The following KIAA1549L variants were observed in gnomAD, a reference collection of about 807,000 sequenced individuals.
KIAA1549L encodes the protein KIAA1549 like, also known as UPF0606 protein KIAA1549L.
Under a neutral mutation model 160.7 loss-of-function variants are expected in KIAA1549L, and 88 were observed. That is an observed-to-expected ratio of 0.55 (90% CI 0.46 to 0.65). The LOEUF is 0.65. Among genes scored for constraint, KIAA1549L ranks in the 30% least tolerant of loss-of-function variants. KIAA1549L has a pLI of 0.00. For synonymous variants in KIAA1549L, 950 were observed against 976.7 expected (o/e 0.97, Z 0.51); for missense variants, 2,258 against 2,437.5 (o/e 0.93, Z 1.55).
At chr11:33,506,544 A>G (rs1241581898) in intron 1 of KIAA1549L, among the ~76,000 whole-genome samples, 2 of 152,038 alleles carry the variant, frequency 1.3e-5, no homozygotes, top group Non-Finnish European at 2.9e-5. Flanking sequence ...TGGGCAACAT[A>G]GCGAGACCCT....
intron 1 of KIAA1549L, among the ~76,000 whole-genome samples, chr11:33,379,176 C>G (rs1026209654): frequency 3.3e-5 from 5 of 152,142 alleles, no homozygotes; most frequent in Admixed American, 6.5e-5. Flanking sequence ...AGACATTTGT[C>G]TTGGTTGAAA....
chr11:33,425,085 CT>C (rs1398595994), intron 1 of KIAA1549L, among the ~76,000 whole-genome samples: 1 of 152,168 alleles, frequency 6.6e-6, no homozygotes, highest in Non-Finnish European at 1.5e-5. Context: ...AAACTTTGAT[CT>C]CTTTATGTCT....
At chr11:33,533,753 G>A (rs1853829971) in intron 1 of KIAA1549L, among the ~76,000 whole-genome samples, 3 of 152,202 alleles carry the variant, frequency 2.0e-5, no homozygotes, top group Admixed American at 2.0e-4. Context: ...GTCTCCTTGA[G>A]ATGGGAGGGA....
At chr11:33,560,438 C>A (rs1398589828) in intron 7 of KIAA1549L, among the ~76,000 whole-genome samples, 1 of 152,186 alleles carries the variant, frequency 6.6e-6, no homozygotes. Flanking sequence ...GCAAACGTTC[C>A]CAGACCTTGA....
intron 1 of KIAA1549L, among the ~76,000 whole-genome samples, chr11:33,398,950 GTT>G (rs71034680): frequency 0.63 from 88,657 of 139,824 alleles, 27,137 homozygotes; most frequent in Middle Eastern, 0.68. Context: ...TCCAGTGAGT[GTT>G]TTTTTTTTTT....
intron 20 of KIAA1549L, among the ~76,000 whole-genome samples, chr11:33,667,457 A>G (rs1852506385): frequency 2.0e-5 from 3 of 151,890 alleles, no homozygotes; most frequent in South Asian, 2.1e-4. Flanking sequence ...CAGTGGTACA[A>G]TCTCGGCTCA....
chr11:33,491,276 T>C (rs1419127368), intron 1 of KIAA1549L, among the ~76,000 whole-genome samples: 1 of 152,238 alleles, frequency 6.6e-6, no homozygotes, highest in Non-Finnish European at 1.5e-5. Context: ...AAAACCGTGC[T>C]GGCTATCAGC....
chr11:33,636,539 C>T (rs1158652737), intron 16 of KIAA1549L, among the ~76,000 whole-genome samples: 1 of 151,938 alleles, frequency 6.6e-6, no homozygotes, highest in Non-Finnish European at 1.5e-5. Context: ...CCATGTTGGC[C>T]AGGCTGGTGT....
chr11:33,530,463 A>G (rs1252430730), intron 1 of KIAA1549L, among the ~76,000 whole-genome samples: 1 of 54,740 alleles, frequency 1.8e-5, no homozygotes, highest in African/African-American at 5.8e-5. Context: ...ATATATATAT[A>G]TATATATATA....
intron 1 of KIAA1549L, among the ~76,000 whole-genome samples, chr11:33,400,922 G>T (rs1160439224): frequency 6.6e-6 from 1 of 152,078 alleles, no homozygotes; most frequent in Non-Finnish European, 1.5e-5. Context: ...ACTTGCCCAG[G>T]ACCACATAGC....
chr11:33,379,990 G>A (rs192526238), intron 1 of KIAA1549L, among the ~76,000 whole-genome samples: 2 of 152,228 alleles, frequency 1.3e-5, no homozygotes, highest in African/African-American at 4.8e-5. Context: ...GCTAATGAGG[G>A]AATAGTTAAT....
At chr11:33,485,505 A>G (rs561970144) in intron 1 of KIAA1549L, among the ~76,000 whole-genome samples, 3 of 152,304 alleles carry the variant, frequency 2.0e-5, no homozygotes, top group African/African-American at 7.2e-5. Flanking sequence ...GCAAAGGTCA[A>G]TTAAAGATAT....
At chr11:33,442,763 C>T (rs1432469720) in intron 1 of KIAA1549L, among the ~76,000 whole-genome samples, 3 of 152,138 alleles carry the variant, frequency 2.0e-5, no homozygotes, top group Admixed American at 6.5e-5. Flanking sequence ...TATCCAATTT[C>T]CATATTTTTT....
chr11:33,538,723 A>C (rs1189246672), intron 1 of KIAA1549L, among the ~76,000 whole-genome samples: 1 of 152,232 alleles, frequency 6.6e-6, no homozygotes, highest in Non-Finnish European at 1.5e-5. Flanking sequence ...GATTTCCTAT[A>C]GATATTATTT....
chr11:33,471,265 C>A (rs553454821), intron 1 of KIAA1549L, among the ~76,000 whole-genome samples: 5 of 151,318 alleles, frequency 3.3e-5, no homozygotes, highest in Non-Finnish European at 7.4e-5. Flanking sequence ...CCCAGCCCAG[C>A]ATCTTCCCTG....
Position 33,574,694 on chromosome 11 carries a change from T to C in KIAA1549L, c.4231-8T>C. On this transcript the variant is annotated splice_region_variant and splice_polypyrimidine_tract_variant and intron_variant, in intron 9 of 20. Coordinates refer to ENST00000658780, the MANE Select transcript of KIAA1549L (RefSeq NM_012194.3). ...CCTGCAAACACTCGGCCTCTCTTTTTCCGAAAGATGGTGAAGATGCAGCGT... is the reference window on the plus strand; with the variant it reads ...CCTGCAAACACTCGGCCTCTCTTTTCCCGAAAGATGGTGAAGATGCAGCGT... 1 of 1,604,990 alleles carries C rather than the reference T, an allele frequency of 6.2e-7. No individual in the cohort carries two copies. The highest frequency in any genetic ancestry group is 2.2e-5 in the East Asian group (1 of 44,682).
At chr11:33,505,545 C>T (rs1026193570) in intron 1 of KIAA1549L, among the ~76,000 whole-genome samples, 14 of 152,212 alleles carry the variant, frequency 9.2e-5, no homozygotes, top group African/African-American at 3.1e-4. Flanking sequence ...TTCTCCACTC[C>T]TGCCCTGGCC....
intron 1 of KIAA1549L, among the ~76,000 whole-genome samples, chr11:33,397,557 C>CA (rs1850403792): frequency 6.6e-6 from 1 of 151,162 alleles, no homozygotes; most frequent in Non-Finnish European, 1.5e-5. Context: ...AAAAAAACTA[C>CA]AAAAATTAGC....
chr11:33,609,976 C>T lies in KIAA1549L; in HGVS notation c.5279+10C>T. 6.2e-7 allele frequency: 1 copy of T among 1,607,144 alleles called. No individual in the cohort carries two copies. Among genetic ancestry groups the T allele is most frequent in the East Asian group, 2.2e-5 (1 of 44,830 alleles). ...CCGAGTCTAAAAACAGGTGCAGTCT[C>T]TAAGGGATTCTGTAAAGGGTGCTGT... On this transcript the variant is annotated intron_variant, in intron 15 of 20. Coordinates refer to ENST00000658780, the MANE Select transcript of KIAA1549L (RefSeq NM_012194.3).
Sources: allele counts gnomAD v4.1 joint callset (sites outside exome capture counted in the v4.1 genomes callset), GRCh38; gene constraint gnomAD v4.1.1; transcripts MANE v1.5; gene names NCBI Gene and HGNC (gene_info 2026-07-23, HGNC 2026-07-21).